The following ANKRD16 variants were observed in gnomAD, a reference collection of about 807,000 sequenced individuals.
ANKRD16 encodes ankyrin repeat domain 16.
Under a neutral mutation model 37.9 loss-of-function variants are expected in ANKRD16, and 35 were observed. The observed-to-expected ratio is 0.92, with a 90% CI of 0.71 to 1.23. The LOEUF is 1.23. Among genes scored for constraint, ANKRD16 ranks in the 50% most tolerant of loss-of-function variants. The pLI is 0.00. For missense variants in ANKRD16, 480 were observed against 469.9 expected (o/e 1.02, Z -0.20); for synonymous variants, 206 against 197.2 (o/e 1.04, Z -0.37).
rs145534295 is a variant in ANKRD16 at position 5,871,017 on chromosome 10, G to A, written c.*33+7080C>T. 8.7e-3 allele frequency among the ~76,000 whole-genome samples: 1,330 copies of A among 152,258 alleles called. 20 individuals carry two copies. The highest frequency in any genetic ancestry group is 0.031 in the African/African-American group (1,275 of 41,530). On this transcript the variant is annotated intron_variant, in intron 7 of 7. Coordinates refer to ENST00000380094, the MANE Select transcript of ANKRD16 (RefSeq NM_019046.3). This position sits in a 1 kb window ranked among gnomAD's most constrained non-coding sequence, Gnocchi z 4.5. ...GCTGCAGGGTGGGTTAATCACACAG[G>A]CCAATCAAGTCCCTGTCGTCACCAC...
Position 5,889,375 on chromosome 10 carries a change from T to C in ANKRD16, c.-21A>G. On this transcript the variant is annotated 5_prime_UTR_variant, in exon 1 of 8. Transcript: ENST00000380094. ...GCCATCGCCGCGGGTCGGGCCGGGC[T>C]GCGCGGGGAGGCGGCGGGCGGGACA... The C allele has an allele frequency of 2.5e-6, 3 of 1,199,220 alleles. No individual in the cohort carries two copies. The highest frequency in any genetic ancestry group is 3.1e-6 in the Non-Finnish European group (3 of 968,754). The allele number at this position is 1,199,220 out of a possible 1,614,324, so 74.3% of individuals were successfully genotyped here. A position where few individuals can be genotyped will look rare whatever the true frequency, so the allele number is the denominator to read the frequency against.
chr10:5,883,550 C>A (rs949040819), intron 4 of ANKRD16, among the ~76,000 whole-genome samples: 2 of 152,186 alleles, frequency 1.3e-5, no homozygotes, highest in African/African-American at 4.8e-5. Flanking sequence ...CCGCTTTGGC[C>A]TCCCAAAGTG....
chr10:5,886,799 T>G (rs1448884130), intron 2 of ANKRD16, among the ~76,000 whole-genome samples: 1 of 152,244 alleles, frequency 6.6e-6, no homozygotes. Context: ...TTCTTTTTAC[T>G]TTCTTCAAAC....
intron 6 of ANKRD16, among the ~76,000 whole-genome samples, 167 bp downstream of exon 6, chr10:5,880,131 G>C (rs530745118): frequency 7.8e-6 from 1 of 127,770 alleles, no homozygotes; most frequent in African/African-American, 3.1e-5. Context: ...CTGCACTCCA[G>C]CCTGGGCAAC....
In ANKRD16 at chr10:5,889,197, A is replaced by T. The variant is rs1842534509; in HGVS notation, c.158T>A (p.Leu53Gln). 6.3e-7 allele frequency: 1 copy of T among 1,596,794 alleles called. No individual in the cohort carries two copies. Among genetic ancestry groups the T allele is most frequent in the African/African-American group, 1.3e-5 (1 of 74,794 alleles). The change falls in exon 1 of 8, where the codon CTG (leucine) becomes CAG (glutamine). Residue 53 changes from leucine to glutamine, a missense_variant. By Grantham distance (113) the Leu-to-Gln change is moderately radical (BLOSUM62 -2). Coordinates refer to ENST00000380094, the MANE Select transcript of ANKRD16 (RefSeq NM_019046.3). Reference sequence around the variant, plus strand: ...GCCCCAGGCCTCGGCCAGATAGGCCAGCACGTCCCGATGCCCGTGGCGCGC... The same window carrying T: ...GCCCCAGGCCTCGGCCAGATAGGCCTGCACGTCCCGATGCCCGTGGCGCGC... ...CAARHGHRDVLAYLAEAWGMD... is the reference protein window; with the variant it reads ...CAARHGHRDVQAYLAEAWGMD...
chr10:5,862,580 G>A lies in ANKRD16; in HGVS notation c.*145C>T. ...GATATACAACTTTGATCTCGCTGGG[G>A]TCAAACGTAGGTGGCTGCGGTTGGT... On this transcript the variant is annotated 3_prime_UTR_variant, in exon 8 of 8. Coordinates refer to ENST00000380094, the MANE Select transcript of ANKRD16 (RefSeq NM_019046.3). This position sits in a 1 kb window ranked among gnomAD's most constrained non-coding sequence, Gnocchi z 6.5. The A allele has an allele frequency of 2.3e-6, 3 of 1,286,302 alleles. No individual in the cohort carries two copies. Among genetic ancestry groups the A allele is most frequent in the Non-Finnish European group, 3.0e-6 (3 of 986,972 alleles). The allele number at this position is 1,286,302 out of a possible 1,614,324, so 79.7% of individuals were successfully genotyped here. A position where few individuals can be genotyped will look rare whatever the true frequency, so the allele number is the denominator to read the frequency against.
At chr10:5,881,455 T>A (rs1412567876) in intron 5 of ANKRD16, among the ~76,000 whole-genome samples, 7,477 of 114,166 alleles carry the variant, frequency 0.065, 910 homozygotes, top group African/African-American at 0.22. Context: ...TATATATATA[T>A]ATATATATAT....
In ANKRD16 at chr10:5,878,284, A is replaced by G. The variant is rs1178372829; in HGVS notation, c.932T>C (p.Leu311Pro). 2 of 1,612,908 alleles carry G rather than the reference A, an allele frequency of 1.2e-6. No individual in the cohort carries two copies. The highest frequency in any genetic ancestry group is 1.3e-5 in the African/African-American group (1 of 74,932). Residue 311 changes from leucine (L) to proline (P), a missense_variant, in exon 7 of 8, where the codon CTG becomes CCG. Leu to Pro is a moderately conservative substitution (Grantham distance 98, BLOSUM62 -3). Transcript: ENST00000380094. The surrounding 1 kb of genome is among the most constrained non-coding windows in gnomAD (Gnocchi z 5.1). ...GTGCTGACCTGCACAGGCCAGATGC[A>G]GGGCTGAGGGGTGACAAAAATCACA... ...NSKDEKNRSALHLACAGQHLA... is the reference protein window; with the variant it reads ...NSKDEKNRSAPHLACAGQHLA...
chr10:5,889,585 G>GC lies in ANKRD16; in HGVS notation c.-232dup, dbSNP rs957468601. Reference sequence around the variant, plus strand: ...GGCTGCCCCCTCACAGCCCCGGCCTGCCCCGCGTGGGAGAAGCCGCGGTTC... The same window carrying GC: ...GGCTGCCCCCTCACAGCCCCGGCCTGCCCCCGCGTGGGAGAAGCCGCGGTTC... On this transcript the variant is annotated 5_prime_UTR_variant, in exon 1 of 8. Transcript: ENST00000380094. The GC allele has an allele frequency of 8.3e-6, 2 of 241,398 alleles. No homozygotes were observed. The highest frequency in any genetic ancestry group is 4.6e-5 in the African/African-American group (2 of 43,762). 15.0% of individuals were successfully genotyped at this position (241,398 alleles called of 1,614,324 possible).
Position 5,862,746 on chromosome 10 carries a change from G to A in ANKRD16, c.*34-55C>T. On this transcript the variant is annotated intron_variant, in intron 7 of 7. Coordinates refer to ENST00000380094, the MANE Select transcript of ANKRD16 (RefSeq NM_019046.3). This position sits in a 1 kb window ranked among gnomAD's most constrained non-coding sequence, Gnocchi z 6.5. ...TTTACAGATGAAACAGAAGCTCAGA[G>A]AGGGCAAGCAGCTAGCACAAGGTCC... 1 of 1,224,692 alleles carries A rather than the reference G, an allele frequency of 8.2e-7. No individual in the cohort carries two copies. Among genetic ancestry groups the A allele is most frequent in the African/African-American group, 1.6e-5 (1 of 64,262 alleles). The allele number at this position is 1,224,692 out of a possible 1,614,324, so 75.9% of individuals were successfully genotyped here. A position where few individuals can be genotyped will look rare whatever the true frequency, so the allele number is the denominator to read the frequency against.
intron 5 of ANKRD16, among the ~76,000 whole-genome samples, chr10:5,881,438 T>TTATAAATATATAAATA (rs1422263395): frequency 2.0e-5 from 1 of 51,026 alleles, no homozygotes; most frequent in East Asian, 5.7e-4. Context: ...AAAATATTAT[T>TTATAAATATATAAATA]TATATATATA....
rs1189001094 is a variant in ANKRD16, at chr10:5,865,339, C to A, written c.*34-2648G>T. 6.6e-6 allele frequency among the ~76,000 whole-genome samples: 1 copy of A among 152,210 alleles called. No individual in the cohort carries two copies. The highest frequency in any genetic ancestry group is 1.5e-5 in the Non-Finnish European group (1 of 68,034). ...GGACAAAGGTTCTCTGGGCCAGAAGCCCCCAACCAGATGATCCAACAACAG... is the reference window on the plus strand; with the variant it reads ...GGACAAAGGTTCTCTGGGCCAGAAGACCCCAACCAGATGATCCAACAACAG... On this transcript the variant is annotated intron_variant, in intron 7 of 7. Transcript: ENST00000380094. This position sits in a 1 kb window ranked among gnomAD's most constrained non-coding sequence, Gnocchi z 4.7.
rs1049716724 is a variant in ANKRD16 at position 5,889,330 on chromosome 10, G to T, written c.25C>A (p.Arg9Ser). The T allele has an allele frequency of 6.7e-5, 84 of 1,260,740 alleles. No individual in the cohort carries two copies. Among genetic ancestry groups the T allele is most frequent in the Non-Finnish European group, 8.1e-5 (81 of 1,006,148 alleles). The allele number at this position is 1,260,740 out of a possible 1,614,324, so 78.1% of individuals were successfully genotyped here. MAQPGDPR[R>S]LCRLVQEGRL... ...CCCTCCTGCACCAGCCTGCAGAGGC[G>T]CCGCGGGTCCCCGGGCTGGGCCATC... The change falls in exon 1 of 8, where the codon CGC (arginine) becomes AGC (serine). Residue 9 changes from arginine (R) to serine (S), a missense_variant. Physicochemically the swap from Arg to Ser is moderately radical, Grantham distance 110. Transcript: ENST00000380094.
intron 2 of ANKRD16, among the ~76,000 whole-genome samples, chr10:5,887,040 A>C (rs1300982523): frequency 2.0e-5 from 3 of 152,250 alleles, no homozygotes; most frequent in African/African-American, 7.2e-5. Flanking sequence ...GTAAGAATGT[A>C]AACATGATAA....
At position 5,889,297 on chromosome 10, in the gene ANKRD16, G is replaced by T. The variant is rs1564422385; in HGVS notation, c.58C>A (p.Arg20Ser). ...GCCTGCAGCTCCTCCTTCAGGGCGCGCAGCCGGCCCTCCTGCACCAGCCTG... is the reference window on the plus strand; with the variant it reads ...GCCTGCAGCTCCTCCTTCAGGGCGCTCAGCCGGCCCTCCTGCACCAGCCTG... The part of the protein sequence containing the change: ...LCRLVQEGRL[R>S]ALKEELQAAG... The change falls in exon 1 of 8, where the codon CGC becomes AGC. Residue 20 changes from arginine (R) to serine (S), a missense_variant. Transcript: ENST00000380094. 2 of 1,388,602 alleles carry T rather than the reference G, an allele frequency of 1.4e-6. No individual in the cohort carries two copies. The highest frequency in any genetic ancestry group is 1.9e-6 in the Non-Finnish European group (2 of 1,076,610). The allele number at this position is 1,388,602 out of a possible 1,614,324, so 86.0% of individuals were successfully genotyped here.
intron 7 of ANKRD16, among the ~76,000 whole-genome samples, chr10:5,873,842 C>T (rs1323997622): frequency 6.6e-6 from 1 of 151,510 alleles, no homozygotes; most frequent in Non-Finnish European, 1.5e-5. Context: ...GTTAGGTCCT[C>T]GCTATTTTCA....
chr10:5,888,692 A>C (rs1032027393), intron 1 of ANKRD16, among the ~76,000 whole-genome samples: 5 of 152,266 alleles, frequency 3.3e-5, no homozygotes, highest in African/African-American at 1.2e-4. Context: ...GTGCAGAAGT[A>C]ACTTAGCTAA....
At chr10:5,883,677 C>T (rs1253974557) in intron 4 of ANKRD16, among the ~76,000 whole-genome samples, 1 of 152,224 alleles carries the variant, frequency 6.6e-6, no homozygotes, top group Non-Finnish European at 1.5e-5. Flanking sequence ...TCAGCAGAGA[C>T]AGTTTGTTGT....
In ANKRD16 at chr10:5,883,131, C is replaced by G; in HGVS notation, c.724G>C (p.Ala242Pro). 6.2e-7 allele frequency: 1 copy of G among 1,613,940 alleles called. No individual in the cohort carries two copies. Among genetic ancestry groups the G allele is most frequent in the Non-Finnish European group, 8.5e-7 (1 of 1,180,018 alleles). Residue 242 changes from alanine (A) to proline (P), a missense_variant, in exon 5 of 8, where the codon GCT (alanine) becomes CCT (proline). Coordinates refer to ENST00000380094, the MANE Select transcript of ANKRD16 (RefSeq NM_019046.3). ...LSAEDSLGAQ[A>P]LHRAAVTGQD... is the part of the protein sequence containing the mutation. Reference sequence around the variant, plus strand: ...CCTGTGACAGCTGCCCTGTGCAGAGCCTGGGCACCCAGGCTGTCTTCTGCT... The same window carrying G: ...CCTGTGACAGCTGCCCTGTGCAGAGGCTGGGCACCCAGGCTGTCTTCTGCT...
Sources: gnomAD v4.1 joint callset for allele counts (sites outside exome capture counted in the v4.1 genomes callset) on GRCh38, gnomAD v4.1.1 for gene constraint, Gnocchi (gnomAD v3.1) non-coding constraint, MANE v1.5 for transcripts, NCBI Gene and HGNC (gene_info 2026-07-23, HGNC 2026-07-21) for gene names.